GPC5: variants seen among roughly 807,000 people sequenced by gnomAD.
The protein encoded by GPC5 is glypican-5.
In GPC5, 47 loss-of-function variants were observed where a neutral mutation model predicts 53.9. That is an observed-to-expected ratio of 0.87 (90% CI 0.69 to 1.11). GPC5 has a LOEUF of 1.11. Ranked by LOEUF, GPC5 falls within the 50% of genes most tolerant of loss-of-function variation. The pLI is 0.00. For missense variants in GPC5, 748 were observed against 713.1 expected (o/e 1.05, Z -0.56); for synonymous variants, 286 against 263.3 (o/e 1.09, Z -0.84).
intron 5 of GPC5, among the ~76,000 whole-genome samples, chr13:91,863,673 C>T (rs9560875): frequency 0.05 from 7,639 of 152,188 alleles, 389 homozygotes; most frequent in East Asian, 0.22. Flanking sequence ...TATCCAGAGG[C>T]GGTGTTTCTC....
chr13:92,551,713 A>G (rs1018992523), intron 7 of GPC5, among the ~76,000 whole-genome samples: 1 of 151,898 alleles, frequency 6.6e-6, no homozygotes, highest in Non-Finnish European at 1.5e-5. Context: ...GAGAAACAGT[A>G]GGAGGTAGGA....
chr13:92,319,633 T>C (rs2043203051), intron 7 of GPC5, among the ~76,000 whole-genome samples: 2 of 152,126 alleles, frequency 1.3e-5, no homozygotes, highest in South Asian at 4.1e-4. Flanking sequence ...TTATGATTAC[T>C]CTAGTGATAA....
chr13:92,266,651 T>G (rs975568073), intron 7 of GPC5, among the ~76,000 whole-genome samples: 8 of 151,704 alleles, frequency 5.3e-5, no homozygotes, highest in African/African-American at 1.7e-4. Flanking sequence ...TTGGGTGGAA[T>G]GTGCTTATTT....
intron 6 of GPC5, among the ~76,000 whole-genome samples, chr13:91,964,317 G>C (rs948060874): frequency 2.6e-5 from 4 of 152,174 alleles, no homozygotes; most frequent in South Asian, 2.1e-4. Flanking sequence ...TGTGGGCTCC[G>C]TGGCCTGCTT....
At chr13:91,487,293 A>G (rs1883664804) in intron 2 of GPC5, among the ~76,000 whole-genome samples, 1 of 152,156 alleles carries the variant, frequency 6.6e-6, no homozygotes, top group Admixed American at 6.5e-5. Flanking sequence ...TTTGAGGAGT[A>G]ATAGATGGTT....
chr13:92,445,323 A>C (rs1457662859), intron 7 of GPC5, among the ~76,000 whole-genome samples: 1 of 88,202 alleles, frequency 1.1e-5, no homozygotes, highest in Non-Finnish European at 2.2e-5. Context: ...ATTTTATTTT[A>C]TTTTATTATA....
intron 7 of GPC5, among the ~76,000 whole-genome samples, chr13:92,529,468 G>A (rs1241420142): frequency 6.6e-6 from 1 of 152,074 alleles, no homozygotes; most frequent in East Asian, 1.9e-4. Flanking sequence ...AGTAATTGAA[G>A]AATTAATGAT....
At chr13:91,995,435 G>C (rs1396305435) in intron 6 of GPC5, 1 of 152,096 alleles carries the variant, frequency 6.6e-6, no homozygotes, top group Non-Finnish European at 1.5e-5. Flanking sequence ...GTTAACTTTG[G>C]GGCTGAGATT....
At chr13:91,844,250 C>T (rs985934029) in intron 5 of GPC5, among the ~76,000 whole-genome samples, 15 of 152,018 alleles carry the variant, frequency 9.9e-5, no homozygotes, top group African/African-American at 3.4e-4. Flanking sequence ...TACATAAAGT[C>T]GAAGAAGGAT....
At chr13:92,389,912 A>G (rs549913512) in intron 7 of GPC5, among the ~76,000 whole-genome samples, 5 of 152,330 alleles carry the variant, frequency 3.3e-5, no homozygotes, top group African/African-American at 1.2e-4. Flanking sequence ...TGGTTGCTAA[A>G]CAGGTAAAAT....
intron 6 of GPC5, among the ~76,000 whole-genome samples, chr13:92,095,828 C>G (rs1378361543): frequency 5.3e-5 from 8 of 152,172 alleles, no homozygotes; most frequent in Non-Finnish European, 7.3e-5. Context: ...CCACTGAACC[C>G]ACTCCTAAAT....
chr13:92,799,340 T>G (rs1876818787), intron 7 of GPC5, among the ~76,000 whole-genome samples: 1 of 151,820 alleles, frequency 6.6e-6, no homozygotes, highest in African/African-American at 2.4e-5. Flanking sequence ...AGCAGACTTC[T>G]TTATGTATTT....
At chr13:91,572,110 CATGT>C (rs1566517077) in intron 2 of GPC5, among the ~76,000 whole-genome samples, 4 of 105,992 alleles carry the variant, frequency 3.8e-5, no homozygotes, top group African/African-American at 1.3e-4. Flanking sequence ...TATATACACA[CATGT>C]ATATATACGT....
chr13:92,113,742 A>G (rs1017200668), intron 6 of GPC5, among the ~76,000 whole-genome samples: 4 of 151,720 alleles, frequency 2.6e-5, no homozygotes, highest in African/African-American at 9.7e-5. Context: ...TTTTTTTTTC[A>G]CTGCTACATT....
chr13:92,516,243 C>A (rs758399794), intron 7 of GPC5, among the ~76,000 whole-genome samples: 2 of 151,642 alleles, frequency 1.3e-5, no homozygotes, highest in Non-Finnish European at 2.9e-5. Context: ...GAGGTCTACA[C>A]AAGAAAATAA....
At chr13:91,741,694 C>G (rs550704073) in intron 4 of GPC5, among the ~76,000 whole-genome samples, 99 of 151,992 alleles carry the variant, frequency 6.5e-4, no homozygotes, top group African/African-American at 2.3e-3. Flanking sequence ...TTAATGAATC[C>G]AAAGTTAAAT....
At chr13:91,891,964 T>TA (rs537248481) in intron 5 of GPC5, among the ~76,000 whole-genome samples, 243 of 152,162 alleles carry the variant, frequency 1.6e-3, no homozygotes, top group African/African-American at 5.7e-3. Flanking sequence ...CAACTATGGA[T>TA]AAAAATATAG....
intron 5 of GPC5, among the ~76,000 whole-genome samples, chr13:91,874,990 G>C (rs2039186204): frequency 2.6e-5 from 4 of 152,086 alleles, no homozygotes; most frequent in Admixed American, 2.6e-4. Context: ...GTGACTAAAG[G>C]AAAATATTCA....
intron 5 of GPC5, among the ~76,000 whole-genome samples, chr13:91,797,356 A>T (rs2038062716): frequency 6.6e-6 from 1 of 152,144 alleles, no homozygotes; most frequent in African/African-American, 2.4e-5. Context: ...ATGTTGAAAA[A>T]CTTATTTTTA....
Sources: gnomAD v4.1 joint callset for allele counts (sites outside exome capture counted in the v4.1 genomes callset) on GRCh38, gnomAD v4.1.1 for gene constraint, MANE v1.5 for transcripts, NCBI Gene and HGNC (gene_info 2026-07-23, HGNC 2026-07-21) for gene names.